DPT: variants seen among roughly 807,000 people sequenced by gnomAD.
DPT encodes the protein dermatopontin, also known as tyrosine-rich acidic matrix protein.
Under a neutral mutation model 31.2 loss-of-function variants are expected in DPT, and 21 were observed. The ratio of observed to expected loss-of-function variants is 0.67; its 90% confidence interval spans 0.48 to 0.97. The LOEUF (loss-of-function observed/expected upper bound fraction) is 0.97, where lower values mean the gene tolerates loss of function less well. Among genes scored for constraint, DPT ranks in the 50% least tolerant of loss-of-function variants. The pLI, the probability that DPT is intolerant of heterozygous loss-of-function variation, is 0.00. For missense variants in DPT, 262 were observed against 258.8 expected, an observed-to-expected ratio of 1.01 and a Z score of -0.08; for synonymous variants, 91 against 86.9, an observed-to-expected ratio of 1.05 and a Z score of -0.26.
intron 2 of DPT, among the ~76,000 whole-genome samples, chr1:168,708,692 T>C (rs113231819): frequency 2.4e-3 from 369 of 152,190 alleles, no homozygotes; most frequent in Middle Eastern, 0.01. Flanking sequence ...GAGATATACC[T>C]AATGGAAGCT....
At chr1:168,703,457 TG>T (rs1385595617) in intron 2 of DPT, among the ~76,000 whole-genome samples, 1 of 152,228 alleles carries the variant, frequency 6.6e-6, no homozygotes, top group Non-Finnish European at 1.5e-5. Flanking sequence ...GCTTCATTTT[TG>T]GTAGTGACCA....
chr1:168,700,890 CGTGTGTGTGTGTGTGTGGGTGTGT>C, intron 3 of DPT, 103 bp downstream of exon 3: 2 of 540,074 alleles, frequency 3.7e-6, no homozygotes, highest in African/African-American at 4.2e-5. Flanking sequence ...TTGTATTCTA[CGTGTGTGTGTGTGTGTGGGTGTGT>C]GTGTGTGTGT....
intron 2 of DPT, among the ~76,000 whole-genome samples, chr1:168,708,185 T>C (rs1649765050): frequency 6.6e-6 from 1 of 151,676 alleles, no homozygotes; most frequent in African/African-American, 2.4e-5. Flanking sequence ...ATTGTTGTAT[T>C]GTTATTTTTA....
intron 1 of DPT, among the ~76,000 whole-genome samples, chr1:168,725,597 T>C (rs1334068457): frequency 6.6e-6 from 1 of 152,102 alleles, no homozygotes; most frequent in Non-Finnish European, 1.5e-5. Flanking sequence ...ATACCACTCA[T>C]GGGGACCCAG....
At position 168,714,238 on chromosome 1, in the gene DPT, C is replaced by A. The variant is rs35449613; in HGVS notation, c.414G>T (p.Arg138Ser). The stretch of plus-strand genomic sequence containing the variant: ...AGACTCACCAGCAGGAATATGGGCA[C>A]CTCTTGCTGTAGCGACAACAGTAAA... Reference protein sequence around the residue: ...WQFYCCRYSKRCPYSCWLTTE... With the variant: ...WQFYCCRYSKSCPYSCWLTTE... The change falls in exon 2 of 4, where the codon AGG (arginine) becomes AGT (serine). Residue 138 changes from arginine (R) to serine (S), a missense_variant. Coordinates refer to ENST00000367817, the MANE Select transcript of DPT (RefSeq NM_001937.5). The A allele has an allele frequency of 8.7e-5, 140 of 1,613,928 alleles. No homozygotes were observed. Among genetic ancestry groups the A allele is most frequent in the Non-Finnish European group, 1.1e-4 (135 of 1,180,010 alleles).
intron 2 of DPT, among the ~76,000 whole-genome samples, chr1:168,711,967 G>A (rs1240373151): frequency 1.3e-5 from 2 of 152,146 alleles, no homozygotes; most frequent in African/African-American, 4.8e-5. Flanking sequence ...GTGGAGGGAT[G>A]GGGGAGAGAA....
chr1:168,711,300 G>A (rs550209143), intron 2 of DPT, among the ~76,000 whole-genome samples: 1 of 152,118 alleles, frequency 6.6e-6, no homozygotes, highest in East Asian at 1.9e-4. Context: ...GATTACAAGT[G>A]TGAGCCACCA....
At chr1:168,698,751 G>T (rs10489360) in intron 3 of DPT, among the ~76,000 whole-genome samples, 2 of 151,946 alleles carry the variant, frequency 1.3e-5, no homozygotes, top group African/African-American at 4.8e-5. Flanking sequence ...TGTCAATAGC[G>T]CATAGATGGA....
In DPT at chr1:168,721,921, G is replaced by A. The variant is rs185600762; in HGVS notation, c.305+6949C>T. ...CCATGTCCAGGTTTTAAGTCTGCTA[G>A]TCTGTCTACAAGGTTTTAACAGTGA... On this transcript the variant is annotated intron_variant, in intron 1 of 3. Transcript: ENST00000367817. Among the ~76,000 whole-genome samples the A allele has an allele frequency of 5.3e-5, 8 of 152,342 alleles. No individual in the cohort carries two copies. The East Asian group carries it at 1.3e-3, about 26-fold the overall frequency.
intron 2 of DPT, among the ~76,000 whole-genome samples, chr1:168,705,761 C>T (rs1251889852): frequency 2.0e-5 from 3 of 152,216 alleles, no homozygotes; most frequent in South Asian, 4.1e-4. Flanking sequence ...CTGTGTCTCA[C>T]CCAAATCTCA....
intron 3 of DPT, 51 bp downstream of exon 3, chr1:168,700,966 A>G: frequency 8.1e-7 from 1 of 1,232,508 alleles, no homozygotes; most frequent in African/African-American, 1.5e-5. Context: ...GCAGGGAGTT[A>G]GTCCCAACTC....
intron 1 of DPT, among the ~76,000 whole-genome samples, chr1:168,719,778 C>T (rs1354564028): frequency 1.5e-5 from 2 of 137,356 alleles, no homozygotes; most frequent in East Asian, 2.0e-4. Context: ...ACTCTCCTTC[C>T]CATCTGAGAA....
intron 1 of DPT, among the ~76,000 whole-genome samples, chr1:168,715,423 T>C (rs1025574825): frequency 9.9e-5 from 15 of 152,060 alleles, no homozygotes; most frequent in Non-Finnish European, 1.3e-4. Context: ...CAGGAATCTT[T>C]CCACCACCCA....
chr1:168,699,376 G>T (rs771260409), intron 3 of DPT, among the ~76,000 whole-genome samples: 1 of 151,946 alleles, frequency 6.6e-6, no homozygotes, highest in East Asian at 1.9e-4. Context: ...TATTCTCATT[G>T]GTGGAATGAG....
At chr1:168,700,945 G>T in intron 3 of DPT, 72 bp downstream of exon 3, 1 of 957,900 alleles carries the variant, frequency 1.0e-6, no homozygotes, top group Non-Finnish European at 1.7e-6. Flanking sequence ...ATTCCTGCAG[G>T]TAAAATCCTT....
intron 2 of DPT, among the ~76,000 whole-genome samples, chr1:168,713,592 C>T (rs1370520625): frequency 6.6e-6 from 1 of 152,124 alleles, no homozygotes; most frequent in African/African-American, 2.4e-5. Context: ...GGGCAAATGA[C>T]AATATACACA....
chr1:168,714,444 C>A (rs1011845599), intron 1 of DPT, 98 bp from the exon 2 acceptor site: 2 of 1,431,080 alleles, frequency 1.4e-6, no homozygotes. Context: ...TTTCTCTGAC[C>A]TAGATTCTTA....
intron 1 of DPT, among the ~76,000 whole-genome samples, chr1:168,724,197 G>C (rs897558795): frequency 6.6e-6 from 1 of 152,330 alleles, no homozygotes; most frequent in South Asian, 2.1e-4. Context: ...CTCTGTGCAT[G>C]TTTTAGCGAT....
intron 1 of DPT, among the ~76,000 whole-genome samples, chr1:168,723,580 C>T (rs1193435698): frequency 6.6e-6 from 1 of 152,176 alleles, no homozygotes; most frequent in Non-Finnish European, 1.5e-5. Context: ...CTCCTAATTC[C>T]AAACAGAATT....
Sources: gnomAD v4.1 joint callset for allele counts (sites outside exome capture counted in the v4.1 genomes callset) on GRCh38, gnomAD v4.1.1 for gene constraint, MANE v1.5 for transcripts, NCBI Gene and HGNC (gene_info 2026-07-23, HGNC 2026-07-21) for gene names.